Variants in ZDHHC15 observed in about 807,000 individuals in gnomAD.
ZDHHC15 encodes palmitoyltransferase ZDHHC15.
ZDHHC15 carries 19 observed loss-of-function variants against 31.7 expected under a neutral mutation model. That is an observed-to-expected ratio of 0.60 (90% CI 0.42 to 0.88). The LOEUF is 0.88. ZDHHC15 is among the 40% of genes least tolerant of loss of function. The pLI is 0.00. For synonymous variants in ZDHHC15, 103 were observed against 90.0 expected (o/e 1.14, Z -0.82); for missense variants, 209 against 251.2 (o/e 0.83, Z 1.14).
intron 2 of ZDHHC15, among the ~76,000 whole-genome samples, chrX:75,493,873 A>G (rs1310831072): frequency 8.9e-6 from 1 of 111,840 alleles, no homozygotes; most frequent in Non-Finnish European, 1.9e-5. Flanking sequence ...AATCTGGCAC[A>G]AGACAGGGAT....
intron 1 of ZDHHC15, among the ~76,000 whole-genome samples, chrX:75,517,630 T>C (rs2085379248): frequency 9.4e-6 from 1 of 105,830 alleles, no homozygotes; most frequent in South Asian, 4.5e-4. Flanking sequence ...GAGAAATACC[T>C]AAGGTTAAAT....
intron 1 of ZDHHC15, among the ~76,000 whole-genome samples, chrX:75,508,493 C>A (rs749321973): frequency 2.7e-4 from 29 of 108,994 alleles, no homozygotes; most frequent in African/African-American, 8.4e-4. Flanking sequence ...TTTTTTATGG[C>A]TGCATAGTAT....
intron 2 of ZDHHC15, among the ~76,000 whole-genome samples, chrX:75,496,784 T>A (rs902154317): frequency 3.6e-5 from 4 of 111,120 alleles, no homozygotes; most frequent in South Asian, 3.8e-4. Context: ...AAGGAAAAAA[T>A]TGTTCGGACT....
At chrX:75,402,787 C>A (rs1325697179) in intron 10 of ZDHHC15, among the ~76,000 whole-genome samples, 1 of 110,824 alleles carries the variant, frequency 9.0e-6, no homozygotes, top group East Asian at 2.8e-4. Flanking sequence ...GGATTCACAG[C>A]CAAATTCTAC....
chrX:75,426,072 C>T (rs1049486355), intron 7 of ZDHHC15, among the ~76,000 whole-genome samples: 1 of 111,811 alleles, frequency 8.9e-6, no homozygotes, highest in Admixed American at 9.5e-5. Context: ...GATCCCTCTA[C>T]AAATTCTCGG....
At chrX:75,391,479 CA>C (rs1156567569) in intron 10 of ZDHHC15, among the ~76,000 whole-genome samples, 1 of 111,599 alleles carries the variant, frequency 9.0e-6, no homozygotes, top group East Asian at 2.8e-4. Flanking sequence ...CAGCAAGAAA[CA>C]ACATACAATG....
At chrX:75,392,950 T>A (rs2147780833) in intron 10 of ZDHHC15, among the ~76,000 whole-genome samples, 1 of 108,972 alleles carries the variant, frequency 9.2e-6, no homozygotes, top group Non-Finnish European at 1.9e-5. Context: ...TTTTTTTTCC[T>A]GATAAAGTGA....
intron 10 of ZDHHC15, among the ~76,000 whole-genome samples, chrX:75,401,916 C>T (rs185903145): frequency 3.7e-4 from 41 of 112,124 alleles, no homozygotes; most frequent in Middle Eastern, 9.2e-3. Context: ...GAAGTCTCCA[C>T]CCAAAAACAA....
intron 2 of ZDHHC15, among the ~76,000 whole-genome samples, chrX:75,483,240 T>A (rs2084721335): frequency 9.1e-6 from 1 of 109,907 alleles, no homozygotes; most frequent in Non-Finnish European, 1.9e-5. Context: ...ATTTGTTTTC[T>A]GAGACATGGT....
chrX:75,447,059 G>C (rs1250719376), intron 4 of ZDHHC15, among the ~76,000 whole-genome samples: 1 of 111,846 alleles, frequency 8.9e-6, no homozygotes, highest in Non-Finnish European at 1.9e-5. Context: ...AGTGGCCATG[G>C]TGGCAGGGAT....
chrX:75,498,271 G>A (rs1427246647), intron 2 of ZDHHC15, among the ~76,000 whole-genome samples: 2 of 110,450 alleles, frequency 1.8e-5, no homozygotes, highest in African/African-American at 6.6e-5. Flanking sequence ...AGGATCAGAA[G>A]TCCTAGCCAG....
intron 4 of ZDHHC15, among the ~76,000 whole-genome samples, chrX:75,450,065 T>C (rs190681895): frequency 7.9e-4 from 89 of 111,979 alleles, no homozygotes; most frequent in Admixed American, 2.4e-3. Flanking sequence ...AACTAGTGAA[T>C]GGATAAACTT....
chrX:75,402,726 A>T (rs1477283140), intron 10 of ZDHHC15, among the ~76,000 whole-genome samples: 1 of 111,604 alleles, frequency 9.0e-6, no homozygotes, highest in Non-Finnish European at 1.9e-5. Flanking sequence ...TGAGCTCCAA[A>T]ATTGAATCAG....
At chrX:75,374,529 T>C (rs1248529524) in intron 11 of ZDHHC15, among the ~76,000 whole-genome samples, 1 of 110,202 alleles carries the variant, frequency 9.1e-6, no homozygotes. Context: ...GCCATCCTAC[T>C]CCTTGGTACT....
chrX:75,398,845 C>T (rs762686820), intron 10 of ZDHHC15, among the ~76,000 whole-genome samples: 9 of 111,595 alleles, frequency 8.1e-5, no homozygotes, highest in Admixed American at 1.9e-4. Context: ...CCCAGCACAA[C>T]GCAGCTGCTC....
At position 75,490,464 on chromosome X, in the gene ZDHHC15, G is replaced by T. The variant is rs146630094; in HGVS notation, c.164-11479C>A. Among the ~76,000 whole-genome samples, 497 of 111,473 alleles carry T rather than the reference G, an allele frequency of 4.5e-3. 2 individuals are homozygous for T. Among genetic ancestry groups the T allele is most frequent in the African/African-American group, 0.016 (477 of 30,704 alleles). ...CATTCTTAAAGAAAAGAATTTTCTT[G>T]GCGATGTGGGCTCTTTTTTGGTTCC... On this transcript the variant is annotated intron_variant, in intron 2 of 11. Transcript: ENST00000373367.
At chrX:75,494,802 A>C (rs754898484) in intron 2 of ZDHHC15, among the ~76,000 whole-genome samples, 32 of 112,506 alleles carry the variant, frequency 2.8e-4, no homozygotes, top group African/African-American at 1.0e-3. Context: ...TTAAAGACTT[A>C]AATGTCAGAC....
Position 75,417,198 on chromosome X carries a change from G to C in ZDHHC15, c.864-8C>G, listed in dbSNP as rs779305381. The stretch of plus-strand genomic sequence containing the variant: ...GAGTGTCCATCACCAGGGCTGATGG[G>C]AAAAGAAAGGCAGTGACCTATTGCA... On this transcript the variant is annotated splice_polypyrimidine_tract_variant and splice_region_variant and intron_variant, in intron 9 of 11. Transcript: ENST00000373367. 1 of 1,152,882 alleles carries C rather than the reference G, an allele frequency of 8.7e-7. No individual in the cohort carries two copies. Among genetic ancestry groups the C allele is most frequent in the East Asian group, 3.0e-5 (1 of 33,307 alleles).
intron 9 of ZDHHC15, among the ~76,000 whole-genome samples, chrX:75,419,284 G>A (rs1205120219): frequency 1.8e-5 from 2 of 111,550 alleles, no homozygotes; most frequent in African/African-American, 6.5e-5. Context: ...CAAAAAGTGG[G>A]CGAAGGATAT....
Sources: gnomAD v4.1 joint callset for allele counts (sites outside exome capture counted in the v4.1 genomes callset) on GRCh38, gnomAD v4.1.1 for gene constraint, MANE v1.5 for transcripts, NCBI Gene and HGNC (gene_info 2026-07-23, HGNC 2026-07-21) for gene names.